NEDD4L: variants seen among roughly 807,000 people sequenced by gnomAD.
The protein encoded by NEDD4L is NEDD4 like E3 ubiquitin protein ligase.
Under a neutral mutation model 148.9 loss-of-function variants are expected in NEDD4L, and 54 were observed. The observed-to-expected ratio is 0.36, with a 90% CI of 0.29 to 0.45. The LOEUF (loss-of-function observed/expected upper bound fraction) is 0.45. NEDD4L is among the 20% of genes least tolerant of loss of function. The pLI is 1.00. For synonymous variants in NEDD4L, 433 were observed against 440.7 expected, an observed-to-expected ratio of 0.98 and a Z score of 0.22; for missense variants, 856 against 1,233.8, an observed-to-expected ratio of 0.69 and a Z score of 4.59.
intron 1 of NEDD4L, among the ~76,000 whole-genome samples, chr18:58,051,579 A>T (rs185447189): frequency 6.6e-6 from 1 of 152,214 alleles, no homozygotes; most frequent in Admixed American, 6.5e-5. Flanking sequence ...AGCCAATTAA[A>T]TTTTTTATTT....
chr18:58,045,601 G>C (rs911614581), intron 1 of NEDD4L: 2 of 152,938 alleles, frequency 1.3e-5, no homozygotes, highest in African/African-American at 2.4e-5. Flanking sequence ...GACCAGCCAC[G>C]CTCGGCTCTT....
intron 1 of NEDD4L, among the ~76,000 whole-genome samples, chr18:58,087,339 A>G (rs2083807439): frequency 6.6e-6 from 1 of 152,152 alleles, no homozygotes; most frequent in African/African-American, 2.4e-5. Context: ...ACCATCATCC[A>G]CAGTCTCCTG....
intron 10 of NEDD4L, among the ~76,000 whole-genome samples, chr18:58,330,318 G>T (rs976751381): frequency 6.6e-6 from 1 of 152,220 alleles, no homozygotes; most frequent in Non-Finnish European, 1.5e-5. Context: ...AAAAGTAAAA[G>T]AAAATCCATG....
At chr18:58,189,527 A>C (rs1364285631) in intron 2 of NEDD4L, among the ~76,000 whole-genome samples, 1 of 152,230 alleles carries the variant, frequency 6.6e-6, no homozygotes, top group African/African-American at 2.4e-5. Context: ...GTTCAGAACA[A>C]GTGCATCTGC....
In NEDD4L at chr18:58,366,047, T is replaced by A. The variant is rs1477791039; in HGVS notation, c.1882T>A (p.Phe628Ile). Residue 628 changes from phenylalanine to isoleucine, a missense_variant, in exon 21 of 31, where the codon TTT (phenylalanine) becomes ATT (isoleucine). Transcript: ENST00000400345. This position sits in a 1 kb window ranked among gnomAD's most constrained non-coding sequence, Gnocchi z 4.2. ...AATGAAACTTCACAGAAATAACATA[T>A]TTGAAGAGTCCTATCGGAGAATTAT... ...FEMKLHRNNI[F>I]EESYRRIMSV... 7 of 1,613,030 alleles carry A rather than the reference T, an allele frequency of 4.3e-6. No homozygotes were observed. The highest frequency in any genetic ancestry group is 2.7e-5 in the African/African-American group (2 of 74,914).
chr18:58,356,799 T>A (rs1451554850), intron 18 of NEDD4L, among the ~76,000 whole-genome samples: 3 of 152,184 alleles, frequency 2.0e-5, no homozygotes, highest in Admixed American at 2.0e-4. Flanking sequence ...AAAAAAATCG[T>A]GTGTGTGTTT....
chr18:58,140,674 G>A (rs953978718), intron 1 of NEDD4L, among the ~76,000 whole-genome samples: 3 of 152,212 alleles, frequency 2.0e-5, no homozygotes, highest in Non-Finnish European at 2.9e-5. Context: ...TTTCCATAAC[G>A]TGGTGTATTT....
At chr18:58,204,682 T>C (rs2041797339) in intron 2 of NEDD4L, among the ~76,000 whole-genome samples, 1 of 152,240 alleles carries the variant, frequency 6.6e-6, no homozygotes, top group African/African-American at 2.4e-5. Context: ...GAATTGCTTA[T>C]GTTTCTGAGC....
chr18:58,372,853 A>G (rs1020691032), intron 23 of NEDD4L, among the ~76,000 whole-genome samples: 2 of 149,536 alleles, frequency 1.3e-5, no homozygotes, highest in Non-Finnish European at 3.0e-5. Context: ...AAAAAGAGAG[A>G]GAGAAAAGAA....
chr18:58,379,833 G>A (rs1601905283), intron 24 of NEDD4L, among the ~76,000 whole-genome samples: 2 of 151,952 alleles, frequency 1.3e-5, no homozygotes, highest in East Asian at 1.9e-4. Context: ...TCTGTACCAC[G>A]GAGGGCTCGA....
chr18:58,336,794 C>T (rs539376825), intron 13 of NEDD4L, among the ~76,000 whole-genome samples: 1 of 152,130 alleles, frequency 6.6e-6, no homozygotes, highest in Non-Finnish European at 1.5e-5. Flanking sequence ...CAGTGGTTTA[C>T]ATGAGTCATG....
chr18:58,286,691 A>C (rs993812144), intron 5 of NEDD4L, among the ~76,000 whole-genome samples: 1 of 152,194 alleles, frequency 6.6e-6, no homozygotes, highest in African/African-American at 2.4e-5. Flanking sequence ...TGAAATGTCA[A>C]ACTGGTAGCT....
intron 1 of NEDD4L, among the ~76,000 whole-genome samples, chr18:58,054,169 C>T (rs2081996984): frequency 6.6e-6 from 1 of 152,126 alleles, no homozygotes; most frequent in Admixed American, 6.5e-5. Context: ...AATTACTTTG[C>T]TTAGTAAGCA....
chr18:58,072,536 T>A (rs1328228513), intron 1 of NEDD4L, among the ~76,000 whole-genome samples: 1 of 152,190 alleles, frequency 6.6e-6, no homozygotes, highest in Non-Finnish European at 1.5e-5. Flanking sequence ...CAGTACTTTT[T>A]CTTGATGAAA....
At chr18:58,167,945 G>A (rs1220545198) in intron 2 of NEDD4L, among the ~76,000 whole-genome samples, 1 of 151,536 alleles carries the variant, frequency 6.6e-6, no homozygotes, top group Non-Finnish European at 1.5e-5. Context: ...GATTCACATT[G>A]TATTTCTAAG....
chr18:58,256,224 G>T lies in NEDD4L; in HGVS notation c.297+4170G>T, dbSNP rs2148575785. 1 of 1,225,468 alleles carries T rather than the reference G, an allele frequency of 8.2e-7. No homozygotes were observed. Among genetic ancestry groups the T allele is most frequent in the African/African-American group, 1.6e-5 (1 of 64,210 alleles). 75.9% of individuals were successfully genotyped at this position (1,225,468 alleles called of 1,614,324 possible). ...GCCCCGGGCCTGCGCATCCAGCACC[G>T]CGCCTCCAGCGCCGACGTGCGCCAG... On this transcript the variant is annotated intron_variant, in intron 5 of 30. Coordinates refer to ENST00000400345, the MANE Select transcript of NEDD4L (RefSeq NM_001144967.3). This position sits in a 1 kb window ranked among gnomAD's most constrained non-coding sequence, Gnocchi z 5.2.
chr18:58,359,780 C>T (rs150543767), intron 19 of NEDD4L: 2 of 152,330 alleles, frequency 1.3e-5, no homozygotes, highest in African/African-American at 2.4e-5. Flanking sequence ...GGTCCTACCC[C>T]AGACCTACTG....
intron 5 of NEDD4L, among the ~76,000 whole-genome samples, chr18:58,305,442 G>A (rs2056950337): frequency 6.6e-6 from 1 of 152,200 alleles, no homozygotes; most frequent in African/African-American, 2.4e-5. Context: ...GAACTTTGCA[G>A]GGATTCCAGT....
intron 1 of NEDD4L, among the ~76,000 whole-genome samples, chr18:58,065,020 G>A (rs2082527861): frequency 6.6e-6 from 1 of 152,146 alleles, no homozygotes; most frequent in African/African-American, 2.4e-5. Flanking sequence ...TTGCTCACAG[G>A]TGCTATCAAT....
Sources: gnomAD v4.1 joint callset for allele counts (sites outside exome capture counted in the v4.1 genomes callset) on GRCh38, gnomAD v4.1.1 for gene constraint, Gnocchi (gnomAD v3.1) non-coding constraint, MANE v1.5 for transcripts, NCBI Gene and HGNC (gene_info 2026-07-23, HGNC 2026-07-21) for gene names.